The following TLN2 variants were observed in gnomAD, a reference collection of about 807,000 sequenced individuals.
TLN2 encodes talin 2.
Under a neutral mutation model 294.7 loss-of-function variants are expected in TLN2, and 118 were observed. The ratio of observed to expected loss-of-function variants is 0.40; its 90% CI spans 0.34 to 0.47. The LOEUF (loss-of-function observed/expected upper bound fraction) is 0.47. Ranked by LOEUF, TLN2 falls within the 20% of genes least tolerant of loss-of-function variation. TLN2 has a pLI of 0.84. For synonymous variants in TLN2, 1,431 were observed against 1,304.5 expected, an observed-to-expected ratio of 1.10 and a Z score of -2.09; for missense variants, 3,083 against 3,282.2, an observed-to-expected ratio of 0.94 and a Z score of 1.48.
chr15:62,840,841 C>G lies in TLN2; in HGVS notation c.*231C>G, dbSNP rs2070599656. ...ACTCCTCTGCCGCCTCCCCTCATGCCTCACCGTGTCTCAGGAGAGAGGGGT... is the reference window on the plus strand; with the variant it reads ...ACTCCTCTGCCGCCTCCCCTCATGCGTCACCGTGTCTCAGGAGAGAGGGGT... On this transcript the variant is annotated 3_prime_UTR_variant, in exon 59 of 59. Coordinates refer to ENST00000636159, the MANE Select transcript of TLN2 (RefSeq NM_015059.3). 2.0e-6 allele frequency: 1 copy of G among 511,812 alleles called. No individual in the cohort carries two copies. Among genetic ancestry groups the G allele is most frequent in the Non-Finnish European group, 3.4e-6 (1 of 294,200 alleles). The allele number at this position is 511,812 out of a possible 1,614,324, so 31.7% of individuals were successfully genotyped here. A position where few individuals can be genotyped will look rare whatever the true frequency, so the allele number is the denominator to read the frequency against.
rs375593588 is a variant in TLN2, at chr15:62,719,889, G to A, written c.2991+9G>A. On this transcript the variant is annotated intron_variant, in intron 25 of 58. Transcript: ENST00000636159. Reference sequence around the variant, plus strand: ...GCCAGAACTTCCTCCAGGTAACAGGGCTGTGGTCACCTTGGGCTCACTCAG... The same window carrying A: ...GCCAGAACTTCCTCCAGGTAACAGGACTGTGGTCACCTTGGGCTCACTCAG... The A allele has an allele frequency of 1.9e-6, 3 of 1,599,014 alleles. No homozygotes were observed. Among genetic ancestry groups the A allele is most frequent in the Admixed American group, 1.7e-5 (1 of 58,954 alleles).
intron 1 of TLN2, among the ~76,000 whole-genome samples, chr15:62,436,794 G>C (rs1441521211): frequency 6.6e-6 from 1 of 152,202 alleles, no homozygotes; most frequent in Non-Finnish European, 1.5e-5. Flanking sequence ...CACAATCATA[G>C]CTCACTGCAG....
intron 9 of TLN2, chr15:62,658,215 G>A (rs2053440416): frequency 4.1e-6 from 1 of 243,112 alleles, no homozygotes; most frequent in Non-Finnish European, 7.8e-6. Context: ...TAGGGCCAAG[G>A]TGTGAACGCC....
chr15:62,520,783 A>G (rs570033980), intron 1 of TLN2, among the ~76,000 whole-genome samples: 84 of 152,302 alleles, frequency 5.5e-4, no homozygotes, highest in African/African-American at 1.8e-3. Context: ...TAGAAGTTCT[A>G]TCTCTTAAGG....
At chr15:62,477,713 G>C (rs988277038) in intron 1 of TLN2, among the ~76,000 whole-genome samples, 4 of 152,016 alleles carry the variant, frequency 2.6e-5, no homozygotes, top group African/African-American at 9.7e-5. Context: ...GGGCCCATGG[G>C]GCACTTGCAG....
intron 54 of TLN2, among the ~76,000 whole-genome samples, chr15:62,823,315 C>T (rs1307794224): frequency 6.6e-6 from 1 of 152,178 alleles, no homozygotes; most frequent in Non-Finnish European, 1.5e-5. Context: ...CATGAAATAT[C>T]TTCCTTGCCT....
intron 1 of TLN2, among the ~76,000 whole-genome samples, chr15:62,583,062 A>G (rs529536726): frequency 6.6e-6 from 1 of 152,360 alleles, no homozygotes; most frequent in Admixed American, 6.5e-5. Context: ...ATGCATTGCC[A>G]GATTTTGTTA....
chr15:62,647,144 C>T, intron 3 of TLN2, 131 bp from the exon 4 acceptor site: 3 of 876,738 alleles, frequency 3.4e-6, no homozygotes, highest in Non-Finnish European at 5.0e-6. Context: ...CTAAAGTGTA[C>T]TCTTTATTTG....
intron 1 of TLN2, among the ~76,000 whole-genome samples, chr15:62,418,683 A>G (rs527799505): frequency 7.2e-5 from 11 of 152,268 alleles, no homozygotes; most frequent in East Asian, 3.9e-4. Context: ...ATTAGTTCTT[A>G]TAGGTTTTGA....
intron 2 of TLN2, among the ~76,000 whole-genome samples, chr15:62,590,963 G>A (rs1284498139): frequency 2.0e-5 from 3 of 150,548 alleles, no homozygotes; most frequent in Non-Finnish European, 4.4e-5. Flanking sequence ...GAAAAAAAAA[G>A]TCAGGACCTA....
chr15:62,501,698 G>A (rs1233016714), intron 1 of TLN2, among the ~76,000 whole-genome samples: 1 of 152,210 alleles, frequency 6.6e-6, no homozygotes, highest in Non-Finnish European at 1.5e-5. Context: ...ACCTTTGGAT[G>A]TTGTTTTTTG....
chr15:62,545,514 T>TTG (rs56777565), intron 1 of TLN2, among the ~76,000 whole-genome samples: 9,547 of 145,986 alleles, frequency 0.065, 341 homozygotes, highest in East Asian at 0.14. Context: ...TTCTTTCTCT[T>TTG]TGTGTGTGTG....
intron 1 of TLN2, among the ~76,000 whole-genome samples, chr15:62,400,812 GTTTTTTT>G (rs11369905): frequency 8.4e-6 from 1 of 119,470 alleles, no homozygotes; most frequent in Non-Finnish European, 1.7e-5. Context: ...TATGTTTCCG[GTTTTTTT>G]TTTTTTTTTT....
intron 1 of TLN2, among the ~76,000 whole-genome samples, chr15:62,505,780 C>T (rs1047864559): frequency 6.6e-6 from 1 of 152,138 alleles, no homozygotes; most frequent in Non-Finnish European, 1.5e-5. Context: ...GGAAGTTCTC[C>T]CTAAACTTAA....
intron 33 of TLN2, 105 bp downstream of exon 33, chr15:62,748,549 G>C (rs2061741353): frequency 1.1e-5 from 10 of 944,636 alleles, no homozygotes; most frequent in Non-Finnish European, 1.7e-5. Context: ...TCCCTATAGG[G>C]CTAGTTTTCT....
intron 1 of TLN2, among the ~76,000 whole-genome samples, chr15:62,465,104 G>GTTTTTTTTTTTTTTTTTT (rs57890839): frequency 5.8e-5 from 5 of 85,510 alleles, no homozygotes; most frequent in African/African-American, 8.9e-5. Context: ...TGGTGAGCGC[G>GTTTTTTTTTTTTTTTTTT]TTTTTTTTTT....
intron 1 of TLN2, among the ~76,000 whole-genome samples, chr15:62,428,529 C>T (rs1037961749): frequency 2.6e-5 from 4 of 152,214 alleles, no homozygotes; most frequent in Admixed American, 6.5e-5. Context: ...CTTGATCGCC[C>T]GGCCTATTAA....
At chr15:62,517,838 G>A (rs547930044) in intron 1 of TLN2, among the ~76,000 whole-genome samples, 1 of 152,076 alleles carries the variant, frequency 6.6e-6, no homozygotes, top group East Asian at 1.9e-4. Flanking sequence ...AATAATTATG[G>A]GAGACTCTGT....
chr15:62,827,649 T>C (rs2068342310), intron 54 of TLN2: 1 of 152,216 alleles, frequency 6.6e-6, no homozygotes, highest in South Asian at 2.1e-4. Flanking sequence ...GTTTTACTTA[T>C]AATGAATTTA....
Sources: allele counts gnomAD v4.1 joint callset (sites outside exome capture counted in the v4.1 genomes callset), GRCh38; gene constraint gnomAD v4.1.1; transcripts MANE v1.5; gene names NCBI Gene and HGNC (gene_info 2026-07-23, HGNC 2026-07-21).